ELL2: variants seen among roughly 807,000 people sequenced by gnomAD.
ELL2 encodes elongation factor for RNA polymerase II 2.
Under a neutral mutation model 72.8 loss-of-function variants are expected in ELL2, and 21 were observed. That is an observed-to-expected ratio of 0.29 (90% CI 0.20 to 0.42). ELL2 has a LOEUF of 0.42. ELL2 is among the 10% of genes least tolerant of loss of function. The probability of loss-of-function intolerance (pLI) is 1.00; values close to 1 mark genes in which losing one functional copy is unlikely to be tolerated. For missense variants in ELL2, 568 were observed against 772.8 expected, an observed-to-expected ratio of 0.73 and a Z score of 3.14; for synonymous variants, 266 against 283.2, an observed-to-expected ratio of 0.94 and a Z score of 0.61.
rs1750939516 is a variant in ELL2 at position 95,940,764 on chromosome 5, T to G, written c.195+2238A>C. 3.3e-5 allele frequency among the ~76,000 whole-genome samples: 5 copies of G among 152,296 alleles called. No homozygotes were observed. The South Asian group carries it at 1.0e-3, about 32-fold the overall frequency. ...CACATAGGAAAAAAATCTGTAAGCA[T>G]ACTTCTTCAGAGAGGATTTAAAGCA... On this transcript the variant is annotated intron_variant, in intron 2 of 11. Transcript: ENST00000237853.
At chr5:95,950,929 TATATATATATATATATATA>T (rs1751364787) in intron 1 of ELL2, among the ~76,000 whole-genome samples, 2 of 126,666 alleles carry the variant, frequency 1.6e-5, no homozygotes, top group Admixed American at 1.5e-4. Flanking sequence ...TATATATATA[TATATATATATATATATATA>T]TATATAAAAT....
At chr5:95,931,690 G>A (rs1260248287) in intron 2 of ELL2, among the ~76,000 whole-genome samples, 1 of 147,084 alleles carries the variant, frequency 6.8e-6, no homozygotes, top group African/African-American at 2.5e-5. Flanking sequence ...GATAAGGTAT[G>A]AGAATGAATC....
At chr5:95,950,269 T>C (rs183790298) in intron 1 of ELL2, among the ~76,000 whole-genome samples, 56 of 152,340 alleles carry the variant, frequency 3.7e-4, no homozygotes, top group South Asian at 3.5e-3. Flanking sequence ...GAACTGGTAG[T>C]AATGATTCTT....
intron 2 of ELL2, among the ~76,000 whole-genome samples, chr5:95,936,265 T>C (rs755231377): frequency 1.3e-5 from 2 of 152,214 alleles, no homozygotes; most frequent in Non-Finnish European, 2.9e-5. Flanking sequence ...GGTCAGAGGT[T>C]ACCCAGAAAT....
Position 95,932,398 on chromosome 5 carries a change from A to T in ELL2, c.195+10604T>A, listed in dbSNP as rs946505793. Among the ~76,000 whole-genome samples the T allele has an allele frequency of 2.0e-5, 3 of 152,206 alleles. No homozygotes were observed. The East Asian group carries it at 5.8e-4, about 29-fold the overall frequency. On this transcript the variant is annotated intron_variant, in intron 2 of 11. Coordinates refer to ENST00000237853, the MANE Select transcript of ELL2 (RefSeq NM_012081.6). ...GGTTAGGCCATTGGCAAAGCCATCA[A>T]ATCTATGCCTTCACATAGAGAAAGA...
Position 95,943,002 on chromosome 5 carries a change from C to A in ELL2, c.195G>T (p.Gly65=), listed in dbSNP as rs1751024643. Residue 65 remains glycine, a splice_region_variant and synonymous_variant, in exon 2 of 12, where the codon GGG becomes GGT. Transcript: ENST00000237853. The part of the protein sequence containing the change: ...RPSIQFQGLH[G]LVKIPKNDPL... ...TTGTTAAATCAATAAGAGTACTCAC[C>A]CCGTGGAGTCCTTGGAACTGGATTG... The A allele has an allele frequency of 6.3e-7, 1 of 1,590,276 alleles. No individual in the cohort carries two copies. The highest frequency in any genetic ancestry group is 8.6e-7 in the Non-Finnish European group (1 of 1,168,112).
rs1271567431 is a variant in ELL2, at chr5:95,885,836, T to G, written c.*3035A>C. 3 of 152,208 alleles carry G rather than the reference T, an allele frequency of 2.0e-5. No individual in the cohort carries two copies. The highest frequency in any genetic ancestry group is 2.0e-4 in the Admixed American group (3 of 15,288). 9.4% of individuals were successfully genotyped at this position (152,208 alleles called of 1,614,324 possible). A position where few individuals can be genotyped will look rare whatever the true frequency, so the allele number is the denominator to read the frequency against. On this transcript the variant is annotated 3_prime_UTR_variant, in exon 12 of 12. Transcript: ENST00000237853. ...TTTTGTGAGAACAAGTATAAAACTA[T>G]CCATTACTACCTTAAAGAGTTGAAA... is the stretch of plus-strand genomic sequence containing the variant.
intron 1 of ELL2, among the ~76,000 whole-genome samples, chr5:95,953,628 A>G (rs182742649): frequency 1.3e-5 from 2 of 152,362 alleles, no homozygotes; most frequent in Non-Finnish European, 2.9e-5. Context: ...AAGCGCTCAT[A>G]ATAGTCCATT....
chr5:95,938,505 C>A (rs560026642), intron 2 of ELL2, among the ~76,000 whole-genome samples: 1 of 152,138 alleles, frequency 6.6e-6, no homozygotes, highest in Non-Finnish European at 1.5e-5. Flanking sequence ...AGGAGTATTG[C>A]TTGAAGCCAG....
rs977901595 is a variant in ELL2, at chr5:95,913,996, A to G, written c.318-62T>C. 4 of 1,444,550 alleles carry G rather than the reference A, an allele frequency of 2.8e-6. No homozygotes were observed. The African/African-American group carries it at 5.8e-5, about 21-fold the overall frequency. 89.5% of individuals were successfully genotyped at this position (1,444,550 alleles called of 1,614,324 possible). ...TTCATTTTGTACAATAAAGGCAAAC[A>G]AGAATTATATAATCCTAAAATCAGC... On this transcript the variant is annotated intron_variant, in intron 3 of 11. Transcript: ENST00000237853.
intron 3 of ELL2, 85 bp downstream of exon 3, chr5:95,919,339 A>T (rs1419982524): frequency 6.9e-7 from 1 of 1,447,776 alleles, no homozygotes; most frequent in Non-Finnish European, 9.3e-7. Flanking sequence ...TTATGGATGA[A>T]TATTATGTAT....
intron 5 of ELL2, 21 bp downstream of exon 5, chr5:95,906,502 C>T: frequency 6.4e-7 from 1 of 1,566,808 alleles, no homozygotes; most frequent in Non-Finnish European, 8.7e-7. Flanking sequence ...GCAGGAAGGA[C>T]CTCTCTCCAG....
intron 9 of ELL2, among the ~76,000 whole-genome samples, chr5:95,894,969 C>T (rs1182263442): frequency 1.3e-5 from 2 of 152,170 alleles, no homozygotes; most frequent in Non-Finnish European, 2.9e-5. Context: ...TTTTTCCAGG[C>T]TCTTGCAACT....
chr5:95,909,532 G>GA (rs3836902), intron 4 of ELL2, among the ~76,000 whole-genome samples: 56,832 of 151,882 alleles, frequency 0.37, 11,975 homozygotes, highest in African/African-American at 0.58. Flanking sequence ...GATGCTAAAA[G>GA]AAAAAATGAA....
intron 2 of ELL2, among the ~76,000 whole-genome samples, chr5:95,927,768 C>T (rs199603040): frequency 1.8e-5 from 1 of 54,226 alleles, no homozygotes; most frequent in Non-Finnish European, 3.0e-5. Context: ...TAGACATACA[C>T]ACACACATAT....
chr5:95,898,447 G>A lies in ELL2; in HGVS notation c.1318C>T (p.Pro440Ser), dbSNP rs139908232. Reference protein sequence around the residue: ...TSRTSLETLPPGSVLLKCPKP... With the variant: ...TSRTSLETLPSGSVLLKCPKP... Reference sequence around the variant, plus strand: ...GGACACTTTAGTAGAACGGAACCAGGGGGTAAGGTTTCCAGAGAAGTCCTA... The same window carrying A: ...GGACACTTTAGTAGAACGGAACCAGAGGGTAAGGTTTCCAGAGAAGTCCTA... Residue 440 changes from proline to serine, a missense_variant, in exon 8 of 12, where the codon CCT (proline) becomes TCT (serine). Pro to Ser is a moderately conservative substitution (Grantham distance 74). Transcript: ENST00000237853. 1.9e-6 allele frequency: 3 copies of A among 1,613,656 alleles called. No homozygotes were observed. The Admixed American group carries it at 5.0e-5, about 27-fold the overall frequency.
At chr5:95,897,201 A>T (rs1339803921) in intron 8 of ELL2, among the ~76,000 whole-genome samples, 1 of 152,262 alleles carries the variant, frequency 6.6e-6, no homozygotes, top group Non-Finnish European at 1.5e-5. Flanking sequence ...AGCTTCTCTC[A>T]TATGGCAAAG....
intron 1 of ELL2, among the ~76,000 whole-genome samples, chr5:95,950,904 G>GTGTATA (rs1751354870): frequency 1.1e-4 from 5 of 46,612 alleles, no homozygotes; most frequent in East Asian, 1.5e-3. Context: ...GTATGTATGT[G>GTGTATA]TATATATATA....
At chr5:95,939,348 A>G (rs573658698) in intron 2 of ELL2, among the ~76,000 whole-genome samples, 2 of 137,852 alleles carry the variant, frequency 1.5e-5, no homozygotes, top group East Asian at 4.5e-4. Context: ...CTGAGGGTGG[A>G]GCCCATGCCA....
Sources: gnomAD v4.1 joint callset for allele counts (sites outside exome capture counted in the v4.1 genomes callset) on GRCh38, gnomAD v4.1.1 for gene constraint, MANE v1.5 for transcripts, NCBI Gene and HGNC (gene_info 2026-07-23, HGNC 2026-07-21) for gene names.